DACH1: variants seen among roughly 807,000 people sequenced by gnomAD.
DACH1 encodes dachshund homolog 1.
DACH1 carries 12 observed loss-of-function variants against 54.2 expected under a neutral mutation model. That is an observed-to-expected ratio of 0.22 (90% CI 0.14 to 0.36). The LOEUF (loss-of-function observed/expected upper bound fraction) is 0.36, where lower values mean the gene tolerates loss of function less well. DACH1 is among the 10% of genes least tolerant of loss of function. The pLI is 1.00. For synonymous variants in DACH1, 386 were observed against 366.2 expected (o/e 1.05, Z -0.62); for missense variants, 805 against 929.8 (o/e 0.87, Z 1.75).
At chr13:71,612,700 T>C (rs1219413199) in intron 3 of DACH1, among the ~76,000 whole-genome samples, 1 of 152,202 alleles carries the variant, frequency 6.6e-6, no homozygotes, top group South Asian at 2.1e-4. Flanking sequence ...TAAGTAAATG[T>C]AGACGTGCAT....
At chr13:71,584,050 C>T (rs1324096236) in intron 3 of DACH1, among the ~76,000 whole-genome samples, 1 of 152,298 alleles carries the variant, frequency 6.6e-6, no homozygotes, top group African/African-American at 2.4e-5. Flanking sequence ...CATTCTCTCA[C>T]ATCATTACAT....
chr13:71,454,273 G>A (rs906720512), intron 10 of DACH1, among the ~76,000 whole-genome samples: 1 of 152,052 alleles, frequency 6.6e-6, no homozygotes, highest in Non-Finnish European at 1.5e-5. Context: ...CACACTCCTT[G>A]TTCTGATTCC....
intron 1 of DACH1, among the ~76,000 whole-genome samples, chr13:71,779,479 A>G (rs1397817979): frequency 6.6e-6 from 1 of 151,080 alleles, no homozygotes; most frequent in East Asian, 2.0e-4. Context: ...AACGCAAAAT[A>G]TACTTTGAGT....
At chr13:71,829,054 A>G (rs1248869777) in intron 1 of DACH1, among the ~76,000 whole-genome samples, 3 of 152,014 alleles carry the variant, frequency 2.0e-5, no homozygotes, top group Admixed American at 6.6e-5. Context: ...CTAACGTAAG[A>G]AAGTTAAAAG....
intron 8 of DACH1, among the ~76,000 whole-genome samples, chr13:71,477,002 A>G (rs1223423780): frequency 1.3e-5 from 2 of 149,926 alleles, no homozygotes; most frequent in Non-Finnish European, 3.0e-5. Context: ...TTAAAGCAGA[A>G]TAATCAAATT....
chr13:71,555,039 T>C (rs924513464), intron 6 of DACH1, among the ~76,000 whole-genome samples: 2 of 152,194 alleles, frequency 1.3e-5, no homozygotes, highest in African/African-American at 4.8e-5. Flanking sequence ...ACTTGTATAT[T>C]TCTCTTAGCC....
chr13:71,758,205 T>C (rs897295871), intron 1 of DACH1, among the ~76,000 whole-genome samples: 1 of 150,290 alleles, frequency 6.7e-6, no homozygotes, highest in Non-Finnish European at 1.5e-5. Flanking sequence ...ATTGTCAGGA[T>C]TTTTTTAGAG....
rs1000518224 is a variant in DACH1, at chr13:71,723,574, C to T, written c.849-41664G>A. 2.6e-5 allele frequency among the ~76,000 whole-genome samples: 4 copies of T among 152,134 alleles called. No individual in the cohort carries two copies. The East Asian group carries it at 7.7e-4, about 29-fold the overall frequency. On this transcript the variant is annotated intron_variant, in intron 1 of 10. Transcript: ENST00000613252. ...TTTTGATGTTGACTTGCATTTGACG[C>T]AATAAAATCTGTTTTTAGTAAGGTG...
chr13:71,516,816 A>T (rs1465986479), intron 6 of DACH1, among the ~76,000 whole-genome samples: 6 of 151,840 alleles, frequency 4.0e-5, no homozygotes, highest in African/African-American at 1.2e-4. Flanking sequence ...GAGCAAAAAC[A>T]TTAGAGATTA....
chr13:71,511,917 A>C (rs187135121), intron 6 of DACH1, among the ~76,000 whole-genome samples: 1 of 151,890 alleles, frequency 6.6e-6, no homozygotes. Context: ...TTACTGATCT[A>C]CTCTGGCCTT....
intron 2 of DACH1, among the ~76,000 whole-genome samples, chr13:71,680,318 GT>G (rs1384446480): frequency 6.6e-6 from 1 of 152,106 alleles, no homozygotes; most frequent in Admixed American, 6.6e-5. Context: ...AAAACCTTTG[GT>G]GGCTGGGTAT....
intron 4 of DACH1, among the ~76,000 whole-genome samples, chr13:71,563,296 G>T (rs1039317374): frequency 1.3e-5 from 2 of 151,728 alleles, no homozygotes; most frequent in Non-Finnish European, 2.9e-5. Flanking sequence ...TGCATGTTTG[G>T]CTGAACAGAC....
chr13:71,825,312 T>C (rs909234149), intron 1 of DACH1, among the ~76,000 whole-genome samples: 1 of 152,158 alleles, frequency 6.6e-6, no homozygotes, highest in Non-Finnish European at 1.5e-5. Flanking sequence ...CACAGATTTA[T>C]TGATAAATAA....
chr13:71,488,971 T>C, intron 7 of DACH1, 26 bp downstream of exon 7: 1 of 1,602,802 alleles, frequency 6.2e-7, no homozygotes, highest in Non-Finnish European at 8.5e-7. Context: ...CCATATGTCT[T>C]TCTTCCAGGT....
intron 1 of DACH1, among the ~76,000 whole-genome samples, chr13:71,810,995 A>AT (rs1011432101): frequency 5.3e-5 from 8 of 151,976 alleles, no homozygotes; most frequent in African/African-American, 1.4e-4. Context: ...GAACCAGAAC[A>AT]TTTTTTTTCA....
At chr13:71,791,225 G>C (rs920847222) in intron 1 of DACH1, among the ~76,000 whole-genome samples, 1 of 152,256 alleles carries the variant, frequency 6.6e-6, no homozygotes, top group South Asian at 2.1e-4. Flanking sequence ...GCAACCAGCT[G>C]TGCTAATATA....
At chr13:71,796,834 T>A (rs9572790) in intron 1 of DACH1, among the ~76,000 whole-genome samples, 23,808 of 152,048 alleles carry the variant, frequency 0.16, 3,676 homozygotes, top group East Asian at 0.84. Flanking sequence ...ATATTTTATT[T>A]CCCAAGGACA....
At chr13:71,485,193 G>A (rs759042239) in intron 7 of DACH1, among the ~76,000 whole-genome samples, 14 of 151,412 alleles carry the variant, frequency 9.2e-5, no homozygotes, top group Non-Finnish European at 1.9e-4. Context: ...AATCTCACAG[G>A]TTGTTCTCCA....
In DACH1 at chr13:71,671,268, T is replaced by G. The variant is rs116333090; in HGVS notation, c.964+10527A>C. 4.9e-3 allele frequency among the ~76,000 whole-genome samples: 744 copies of G among 151,660 alleles called. 5 individuals are homozygous for G. Among genetic ancestry groups the G allele is most frequent in the African/African-American group, 0.017 (701 of 41,422 alleles). On this transcript the variant is annotated intron_variant, in intron 2 of 10. Transcript: ENST00000613252. ...AAGGGAGAGAGGACAAAAGAAAAAA[T>G]ATATGTAAAAATCTCTTTCAATTGG...
Sources: allele counts gnomAD v4.1 joint callset (sites outside exome capture counted in the v4.1 genomes callset), GRCh38; gene constraint gnomAD v4.1.1; transcripts MANE v1.5; gene names NCBI Gene and HGNC (gene_info 2026-07-23, HGNC 2026-07-21).